The following EHBP1 variants were observed in gnomAD, a reference collection of about 807,000 sequenced individuals.
EHBP1 encodes the protein EH domain-binding protein 1.
EHBP1 carries 55 observed loss-of-function variants against 144.0 expected under a neutral mutation model. That is an observed-to-expected ratio of 0.38 (90% CI 0.31 to 0.48). EHBP1 has a LOEUF of 0.48. EHBP1 is among the 20% of genes least tolerant of loss of function. The pLI is 0.98. For missense variants in EHBP1, 1,200 were observed against 1,364.2 expected (o/e 0.88, Z 1.90); for synonymous variants, 469 against 472.7 (o/e 0.99, Z 0.10).
chr2:62,993,437 T>C, intron 16 of EHBP1, 93 bp from the exon 17 acceptor site: 1 of 1,159,616 alleles, frequency 8.6e-7, no homozygotes, highest in Middle Eastern at 2.2e-4. Context: ...TCTAAATCAG[T>C]GTTATCTTAA....
At chr2:62,966,142 A>G (rs1430761345) in intron 14 of EHBP1, among the ~76,000 whole-genome samples, 1 of 152,220 alleles carries the variant, frequency 6.6e-6, no homozygotes, top group Non-Finnish European at 1.5e-5. Context: ...TGTTTTGATA[A>G]TAGAACTTTG....
In EHBP1 at chr2:62,907,163, A is replaced by G. The variant is rs909009546; in HGVS notation, c.1185+32631A>G. On this transcript the variant is annotated intron_variant, in intron 10 of 22. Transcript: ENST00000431489. Reference sequence around the variant, plus strand: ...TCTCTGGCATTAAATGCCAGGAAGCATGGGGTTGTATAGTTAGTTGCCTGT... The same window carrying G: ...TCTCTGGCATTAAATGCCAGGAAGCGTGGGGTTGTATAGTTAGTTGCCTGT... 3.3e-5 allele frequency among the ~76,000 whole-genome samples: 5 copies of G among 152,224 alleles called. No homozygotes were observed. The South Asian group carries it at 1.0e-3, about 31-fold the overall frequency.
At chr2:62,856,651 G>A (rs2049080706) in intron 7 of EHBP1, among the ~76,000 whole-genome samples, 1 of 152,202 alleles carries the variant, frequency 6.6e-6, no homozygotes, top group Non-Finnish European at 1.5e-5. Context: ...CTCAGGCAAA[G>A]GCACCACTGG....
At chr2:62,830,199 T>C (rs1202792636) in intron 6 of EHBP1, among the ~76,000 whole-genome samples, 12 of 81,406 alleles carry the variant, frequency 1.5e-4, no homozygotes, top group South Asian at 7.7e-4. Flanking sequence ...CACACACATA[T>C]ATATACACAT....
chr2:62,971,249 C>T (rs2058483168), intron 14 of EHBP1, among the ~76,000 whole-genome samples: 1 of 152,124 alleles, frequency 6.6e-6, no homozygotes. Context: ...TGCACCATAA[C>T]AGGACTTTTG....
Position 62,997,084 on chromosome 2 carries a change from A to AT in EHBP1, c.3103+320dup, listed in dbSNP as rs533060905. Among the ~76,000 whole-genome samples, 178 of 152,150 alleles carry AT rather than the reference A, an allele frequency of 1.2e-3. 2 individuals carry two copies. The East Asian group carries it at 0.031, about 26-fold the overall frequency. ...AAGTAAGATCTTTACTGTTCTACTG[A>AT]TTCATTGGGGAAAAAAAAGATTTGG... is the stretch of plus-strand genomic sequence containing the variant. On this transcript the variant is annotated intron_variant, in intron 19 of 22. Coordinates refer to ENST00000431489, the MANE Select transcript of EHBP1 (RefSeq NM_001142616.3).
chr2:62,723,850 A>G lies in EHBP1; in HGVS notation c.104+16555A>G, dbSNP rs144328807. Among the ~76,000 whole-genome samples, 117 of 152,164 alleles carry G rather than the reference A, an allele frequency of 7.7e-4. 1 individual carries two copies. The East Asian group carries it at 0.022, about 28-fold the overall frequency. On this transcript the variant is annotated intron_variant, in intron 2 of 22. Coordinates refer to ENST00000431489, the MANE Select transcript of EHBP1 (RefSeq NM_001142616.3). ...TAAGGTTTCTTCTGCTGAGAGGTCC[A>G]CTGTTAGTCTGATGGGCTTCTCTTT...
chr2:62,997,748 A>G (rs980753158), intron 19 of EHBP1, among the ~76,000 whole-genome samples: 4 of 152,114 alleles, frequency 2.6e-5, no homozygotes, highest in Non-Finnish European at 2.9e-5. Context: ...TTTATATGGG[A>G]CATTTGAAAA....
rs889135307 is a variant in EHBP1, at chr2:62,868,218, A to T, written c.998+3247A>T. ...GGTGAAACCCTGTCTCTACTAAAAAAAATACAAAAACTTAGCTAGGCATGG... is the reference window on the plus strand; with the variant it reads ...GGTGAAACCCTGTCTCTACTAAAAATAATACAAAAACTTAGCTAGGCATGG... On this transcript the variant is annotated intron_variant, in intron 9 of 22. Transcript: ENST00000431489. 2.6e-5 allele frequency among the ~76,000 whole-genome samples: 4 copies of T among 152,228 alleles called. No homozygotes were observed. The South Asian group carries it at 6.2e-4, about 24-fold the overall frequency.
chr2:62,908,565 T>A (rs2053972767), intron 10 of EHBP1, among the ~76,000 whole-genome samples: 1 of 152,180 alleles, frequency 6.6e-6, no homozygotes, highest in South Asian at 2.1e-4. Context: ...ATTATATATA[T>A]CCTGGTAAGA....
At chr2:62,812,294 G>A (rs375014572) in intron 5 of EHBP1, among the ~76,000 whole-genome samples, 1 of 152,036 alleles carries the variant, frequency 6.6e-6, no homozygotes, top group African/African-American at 2.4e-5. Context: ...AAAAAAAAAT[G>A]GACTAAGACA....
intron 8 of EHBP1, among the ~76,000 whole-genome samples, chr2:62,861,500 T>A (rs1400384398): frequency 6.6e-6 from 1 of 150,916 alleles, no homozygotes; most frequent in Admixed American, 6.6e-5. Flanking sequence ...TCCTAGAACT[T>A]TGGGAGGCCA....
At chr2:62,929,711 C>T (rs900423757) in intron 10 of EHBP1, among the ~76,000 whole-genome samples, 1 of 151,972 alleles carries the variant, frequency 6.6e-6, no homozygotes, top group Non-Finnish European at 1.5e-5. Flanking sequence ...AAGTCCTAGC[C>T]ATCACACTTA....
At chr2:63,021,553 T>TCAACTTTG (rs1188886449) in intron 19 of EHBP1, among the ~76,000 whole-genome samples, 1 of 152,128 alleles carries the variant, frequency 6.6e-6, no homozygotes, top group Non-Finnish European at 1.5e-5. Flanking sequence ...CAGGTAAGAG[T>TCAACTTTG]CAACTTTGCA....
In EHBP1 at chr2:62,859,292, G is replaced by T; in HGVS notation, c.757+1G>T. ...CCATTTGGAGATCCTGACTCAGAAG[G>T]TAGCAAGTTTTTCTGTAATTTTAAA... On this transcript the variant is annotated splice_donor_variant, in intron 8 of 22. Coordinates refer to ENST00000431489, the MANE Select transcript of EHBP1 (RefSeq NM_001142616.3). LOFTEE classifies it high-confidence loss of function. 1 of 1,596,136 alleles carries T rather than the reference G, an allele frequency of 6.3e-7. No individual in the cohort carries two copies. Among genetic ancestry groups the T allele is most frequent in the Non-Finnish European group, 8.6e-7 (1 of 1,168,416 alleles).
chr2:62,682,262 A>G (rs1305842196), intron 1 of EHBP1, among the ~76,000 whole-genome samples: 2 of 152,224 alleles, frequency 1.3e-5, no homozygotes, highest in Admixed American at 1.3e-4. Context: ...TGTGTTATAA[A>G]AAGTGATAAA....
At chr2:62,695,763 A>G (rs1352980669) in intron 1 of EHBP1, among the ~76,000 whole-genome samples, 2 of 152,162 alleles carry the variant, frequency 1.3e-5, no homozygotes, top group Non-Finnish European at 2.9e-5. Context: ...CCCAGGCTGG[A>G]GTGCAGTGGT....
In EHBP1 at chr2:62,804,699, C is replaced by T. The variant is rs374303917; in HGVS notation, c.313-21388C>T. On this transcript the variant is annotated intron_variant, in intron 5 of 22. Transcript: ENST00000431489. ...GGGGATTGGGAGTACCAATCCCCAG[C>T]CCTCAGGCCATGGATTGGTACTGGT... 2.6e-4 allele frequency among the ~76,000 whole-genome samples: 40 copies of T among 152,286 alleles called. 1 individual carries two copies. The South Asian group carries it at 8.1e-3, about 31-fold the overall frequency.
At chr2:63,040,141 A>G (rs1409662426) in intron 21 of EHBP1, among the ~76,000 whole-genome samples, 1 of 150,258 alleles carries the variant, frequency 6.7e-6, no homozygotes, top group Non-Finnish European at 1.5e-5. Context: ...TACTATTTAT[A>G]TTATATATAT....
Sources: gnomAD v4.1 joint callset for allele counts (sites outside exome capture counted in the v4.1 genomes callset) on GRCh38, gnomAD v4.1.1 for gene constraint, MANE v1.5 for transcripts, NCBI Gene and HGNC (gene_info 2026-07-23, HGNC 2026-07-21) for gene names.